The following RELL1 variants were observed in gnomAD, a reference collection of about 807,000 sequenced individuals.
RELL1 encodes the protein RELT like 1, also known as RELT-like protein 1.
RELL1 carries 10 observed loss-of-function variants against 23.0 expected under a neutral mutation model. The observed-to-expected ratio is 0.43, with a 90% CI of 0.27 to 0.74. RELL1 has a LOEUF of 0.74. Ranked by LOEUF, RELL1 falls within the 30% of genes least tolerant of loss-of-function variation. RELL1 has a pLI of 0.19. For synonymous variants in RELL1, 146 were observed against 146.8 expected (o/e 0.99, Z 0.04); for missense variants, 315 against 364.4 (o/e 0.86, Z 1.10).
intron 1 of RELL1, among the ~76,000 whole-genome samples, chr4:37,662,449 G>C (rs1300222824): frequency 1.3e-5 from 2 of 151,990 alleles, no homozygotes; most frequent in Non-Finnish European, 2.9e-5. Context: ...ACTGAATTTG[G>C]CTGGACAAAA....
chr4:37,587,372 C>A (rs955000794), downstream of RELL1, among the ~76,000 whole-genome samples: 1 of 152,040 alleles, frequency 6.6e-6, no homozygotes, highest in Non-Finnish European at 1.5e-5. Flanking sequence ...ATGTGGATAT[C>A]TTTGGGGGCC....
At position 37,612,336 on chromosome 4, in the gene RELL1, A is replaced by C. The variant is rs28463740; in HGVS notation, c.*1010T>G. 0.49 allele frequency among the ~76,000 whole-genome samples: 45,533 copies of C among 92,724 alleles called. 7,621 individuals carry two copies. Among genetic ancestry groups the C allele is most frequent in the Non-Finnish European group, 0.58 (25,639 of 44,290 alleles). The allele number at this position is 92,724 out of a possible 152,430, so 60.8% of individuals were successfully genotyped here. On this transcript the variant is annotated 3_prime_UTR_variant, in exon 7 of 7. Transcript: ENST00000454158. ...CAGCTAAAGGTTAAAAAAAAAAAAA[A>C]AACAAAAAAAAACAAAAAACCGGGT...
chr4:37,603,912 A>G (rs1719082586), intron 6 of RELL1, among the ~76,000 whole-genome samples: 1 of 152,170 alleles, frequency 6.6e-6, no homozygotes, highest in South Asian at 2.1e-4. Flanking sequence ...TTGACCTCGC[A>G]GGCTTAAGCA....
At chr4:37,652,923 T>C (rs1044412289) in intron 1 of RELL1, among the ~76,000 whole-genome samples, 1 of 152,184 alleles carries the variant, frequency 6.6e-6, no homozygotes, top group East Asian at 1.9e-4. Flanking sequence ...ATTGGCCACA[T>C]ACTAGACATG....
chr4:37,600,785 G>A (rs1226729734), intron 6 of RELL1, among the ~76,000 whole-genome samples: 1 of 143,698 alleles, frequency 7.0e-6, no homozygotes, highest in Non-Finnish European at 1.5e-5. Flanking sequence ...TTGTGCGTGT[G>A]TGTGTGTGTG....
chr4:37,655,848 AGGTAAGT>A (rs1721098361), intron 1 of RELL1, among the ~76,000 whole-genome samples: 1 of 152,250 alleles, frequency 6.6e-6, no homozygotes, highest in Admixed American at 6.5e-5. Context: ...TTTCCAGAAG[AGGTAAGT>A]GGTCAGCTGG....
At chr4:37,664,258 C>G (rs983396202) in intron 1 of RELL1, among the ~76,000 whole-genome samples, 4 of 151,904 alleles carry the variant, frequency 2.6e-5, no homozygotes, top group South Asian at 2.1e-4. Context: ...TGCCTGTAGT[C>G]CCAGCTGCTT....
intron 6 of RELL1, 58 bp downstream of exon 6, chr4:37,631,327 G>C: frequency 6.5e-7 from 1 of 1,536,006 alleles, no homozygotes; most frequent in Non-Finnish European, 8.8e-7. Flanking sequence ...GAGGCTCCAA[G>C]TACCTTCTCC....
intron 3 of RELL1, among the ~76,000 whole-genome samples, chr4:37,644,254 G>A (rs918751349): frequency 6.6e-6 from 1 of 151,342 alleles, no homozygotes; most frequent in Non-Finnish European, 1.5e-5. Context: ...TATATAATAC[G>A]CCTCCTCCAA....
chr4:37,666,454 AAT>A (rs1375972046), intron 1 of RELL1, among the ~76,000 whole-genome samples: 1 of 152,212 alleles, frequency 6.6e-6, no homozygotes, highest in Non-Finnish European at 1.5e-5. Flanking sequence ...ATAAAATAAT[AAT>A]AGTTTCTAAG....
chr4:37,678,694 TA>T (rs2109315930), intron 1 of RELL1, among the ~76,000 whole-genome samples: 1 of 152,394 alleles, frequency 6.6e-6, no homozygotes, highest in East Asian at 1.9e-4. Flanking sequence ...TAGGCAATAA[TA>T]ATAATACACT....
chr4:37,622,013 G>A (rs1719785197), intron 6 of RELL1, among the ~76,000 whole-genome samples: 1 of 152,172 alleles, frequency 6.6e-6, no homozygotes, highest in South Asian at 2.1e-4. Context: ...GGCCATAAAT[G>A]TACTGGAGCC....
At chr4:37,643,995 G>A (rs1720610147) in intron 3 of RELL1, among the ~76,000 whole-genome samples, 1 of 152,196 alleles carries the variant, frequency 6.6e-6, no homozygotes, top group South Asian at 2.1e-4. Flanking sequence ...GTACACAGAT[G>A]AAGGCATGGA....
At chr4:37,633,987 C>T (rs1258071960) in intron 5 of RELL1, among the ~76,000 whole-genome samples, 1 of 152,224 alleles carries the variant, frequency 6.6e-6, no homozygotes. Flanking sequence ...TCAGTGCTCA[C>T]CCGGTCTCAC....
chr4:37,620,411 T>C (rs1406456387), intron 6 of RELL1, among the ~76,000 whole-genome samples: 1 of 152,226 alleles, frequency 6.6e-6, no homozygotes, highest in African/African-American at 2.4e-5. Context: ...TTACCAGCCT[T>C]TGAGATGGTA....
chr4:37,640,060 TAA>T (rs1436726435), intron 3 of RELL1, among the ~76,000 whole-genome samples: 3 of 151,432 alleles, frequency 2.0e-5, no homozygotes, highest in African/African-American at 7.2e-5. Context: ...GCTTTACATA[TAA>T]GAGAGTGAGT....
At chr4:37,641,838 C>T (rs756396476) in intron 3 of RELL1, among the ~76,000 whole-genome samples, 1 of 152,224 alleles carries the variant, frequency 6.6e-6, no homozygotes, top group Non-Finnish European at 1.5e-5. Flanking sequence ...AGCGCCGGCA[C>T]GTGCCAGTCA....
At chr4:37,592,912 A>G (rs1718686884) in intron 6 of RELL1, among the ~76,000 whole-genome samples, 1 of 152,256 alleles carries the variant, frequency 6.6e-6, no homozygotes, top group South Asian at 2.1e-4. Flanking sequence ...GGAAGTATGT[A>G]TAATGTCATT....
chr4:37,665,980 C>T (rs1196555242), intron 1 of RELL1, among the ~76,000 whole-genome samples: 1 of 152,152 alleles, frequency 6.6e-6, no homozygotes, highest in Non-Finnish European at 1.5e-5. Context: ...GGAAGACTGG[C>T]CCAGCACCCG....
Sources: allele counts gnomAD v4.1 joint callset (sites outside exome capture counted in the v4.1 genomes callset), GRCh38; gene constraint gnomAD v4.1.1; transcripts MANE v1.5; gene names NCBI Gene and HGNC (gene_info 2026-07-23, HGNC 2026-07-21).